The following FAM227B variants were observed in gnomAD, a reference collection of about 807,000 sequenced individuals.
FAM227B encodes protein FAM227B.
A neutral mutation model predicts 73.8 loss-of-function variants in FAM227B; 88 were observed. That is an observed-to-expected ratio of 1.19 (90% CI 1.00 to 1.42). The LOEUF (loss-of-function observed/expected upper bound fraction) is 1.42. Among genes scored for constraint, FAM227B ranks in the 40% most tolerant of loss-of-function variants. FAM227B has a pLI of 0.00. For synonymous variants in FAM227B, 210 were observed against 190.5 expected (o/e 1.10, Z -0.84); for missense variants, 632 against 590.9 (o/e 1.07, Z -0.72).
chr15:49,565,749 G>A (rs1428220337), intron 9 of FAM227B, among the ~76,000 whole-genome samples: 1 of 152,030 alleles, frequency 6.6e-6, no homozygotes, highest in East Asian at 1.9e-4. Flanking sequence ...CTTCGGTGGG[G>A]GTTAAGATTA....
intron 11 of FAM227B, among the ~76,000 whole-genome samples, chr15:49,477,115 C>T (rs372135621): frequency 1.5e-4 from 22 of 151,658 alleles, no homozygotes; most frequent in African/African-American, 3.2e-4. Context: ...ATCTCCATTT[C>T]CCCCCACAGT....
chr15:49,489,838 ATTTTATATATATATATATATTT>A (rs2056821964), intron 11 of FAM227B, among the ~76,000 whole-genome samples: 1 of 30,572 alleles, frequency 3.3e-5, no homozygotes. Context: ...ATATATATAT[ATTTTATATATATATATATATTT>A]TATATATATA....
chr15:49,471,153 T>C (rs2054705175), intron 11 of FAM227B, among the ~76,000 whole-genome samples: 1 of 152,084 alleles, frequency 6.6e-6, no homozygotes, highest in African/African-American at 2.4e-5. Context: ...GAAGAAAAAT[T>C]CTAAAGAGGC....
At chr15:49,478,813 G>A (rs1484386633) in intron 11 of FAM227B, among the ~76,000 whole-genome samples, 1 of 152,200 alleles carries the variant, frequency 6.6e-6, no homozygotes, top group Middle Eastern at 3.4e-3. Flanking sequence ...ATTCTGTGTA[G>A]TGAGACACTA....
At chr15:49,456,119 T>A (rs893652840) in intron 11 of FAM227B, among the ~76,000 whole-genome samples, 1 of 152,200 alleles carries the variant, frequency 6.6e-6, no homozygotes, top group African/African-American at 2.4e-5. Context: ...AGACTCTGTA[T>A]TATAATTTTG....
At chr15:49,483,295 A>G (rs748847406) in intron 11 of FAM227B, 2 of 1,016,798 alleles carry the variant, frequency 2.0e-6, no homozygotes, top group Admixed American at 1.8e-5. Flanking sequence ...TTTAAAACTC[A>G]TTTTTGTCAA....
intron 5 of FAM227B, among the ~76,000 whole-genome samples, chr15:49,582,423 A>G (rs1465138347): frequency 6.6e-6 from 1 of 152,234 alleles, no homozygotes; most frequent in Non-Finnish European, 1.5e-5. Flanking sequence ...CAACAAGAAG[A>G]CCTAACTATC....
chr15:49,588,475 A>G (rs903956867), intron 4 of FAM227B, among the ~76,000 whole-genome samples: 1 of 146,276 alleles, frequency 6.8e-6, no homozygotes, highest in South Asian at 2.2e-4. Context: ...ACAGTGAGAC[A>G]ATATGGGGGG....
At chr15:49,387,706 G>T (rs898761313) in intron 11 of FAM227B, among the ~76,000 whole-genome samples, 3 of 151,790 alleles carry the variant, frequency 2.0e-5, no homozygotes, top group Non-Finnish European at 4.4e-5. Context: ...GTTTGCAGAT[G>T]ATATGACTGT....
chr15:49,507,091 C>T (rs1567433756), intron 11 of FAM227B, among the ~76,000 whole-genome samples: 1 of 151,524 alleles, frequency 6.6e-6, no homozygotes, highest in Non-Finnish European at 1.5e-5. Flanking sequence ...AGCCCCCCAC[C>T]CCCCATAACA....
intron 2 of FAM227B, among the ~76,000 whole-genome samples, chr15:49,611,695 G>C (rs1464961558): frequency 6.6e-6 from 1 of 152,074 alleles, no homozygotes; most frequent in East Asian, 1.9e-4. Context: ...TAAATGTTTG[G>C]ATATTTCAGT....
intron 3 of FAM227B, among the ~76,000 whole-genome samples, chr15:49,604,985 A>C (rs942909540): frequency 6.6e-6 from 1 of 151,836 alleles, no homozygotes; most frequent in African/African-American, 2.4e-5. Context: ...TTGTTTACTA[A>C]GCTTCTTGAA....
At chr15:49,342,016 G>C (rs1399250461) in intron 13 of FAM227B, among the ~76,000 whole-genome samples, 2 of 152,086 alleles carry the variant, frequency 1.3e-5, no homozygotes, top group African/African-American at 4.8e-5. Context: ...GTGGTTGATG[G>C]GTGAAGTATT....
intron 9 of FAM227B, among the ~76,000 whole-genome samples, chr15:49,548,504 G>C (rs1052142534): frequency 1.3e-5 from 2 of 152,082 alleles, no homozygotes; most frequent in Non-Finnish European, 2.9e-5. Context: ...ATGTGCCTTT[G>C]TCTAGTTTTG....
At chr15:49,495,857 T>C (rs564868186) in intron 11 of FAM227B, among the ~76,000 whole-genome samples, 14 of 152,048 alleles carry the variant, frequency 9.2e-5, no homozygotes, top group African/African-American at 3.1e-4. Flanking sequence ...TCCCTGTCTC[T>C]ACTAAAAATA....
rs547746248 is a variant in FAM227B at position 49,614,051 on chromosome 15, T to C, written c.51+1070A>G. On this transcript the variant is annotated intron_variant, in intron 2 of 15. Transcript: ENST00000299338. ...AAACTTAATGAAAACAATTTAAGCA[T>C]TGACTTTTTTTTCTTGTAATGGCTG... is the stretch of plus-strand genomic sequence containing the variant. Among the ~76,000 whole-genome samples, 141 of 152,350 alleles carry C rather than the reference T, an allele frequency of 9.3e-4. 5 individuals carry two copies. In the South Asian group the frequency reaches 0.027, roughly 29 times the overall value.
In FAM227B at chr15:49,577,672, A is replaced by G; in HGVS notation, c.406-8T>C. 1 of 1,538,226 alleles carries G rather than the reference A, an allele frequency of 6.5e-7. No homozygotes were observed. The highest frequency in any genetic ancestry group is 1.9e-5 in the Admixed American group (1 of 51,608). ...CTCCATTTCATCTGAAAGCTGGAAA[A>G]CATTTTAAATAAACTCTTTAAAACT... On this transcript the variant is annotated splice_polypyrimidine_tract_variant and splice_region_variant and intron_variant, in intron 5 of 15. Transcript: ENST00000299338.
intron 11 of FAM227B, among the ~76,000 whole-genome samples, chr15:49,500,696 C>T (rs532500631): frequency 4.1e-4 from 63 of 152,206 alleles, no homozygotes; most frequent in African/African-American, 1.5e-3. Flanking sequence ...GTTATACATA[C>T]GTGATATAGT....
chr15:49,539,800 A>T (rs2070799355), intron 10 of FAM227B, among the ~76,000 whole-genome samples: 1 of 152,138 alleles, frequency 6.6e-6, no homozygotes, highest in African/African-American at 2.4e-5. Flanking sequence ...GTGTTTATGG[A>T]GTGGCTGTAG....
Sources: allele counts gnomAD v4.1 joint callset (sites outside exome capture counted in the v4.1 genomes callset), GRCh38; gene constraint gnomAD v4.1.1; transcripts MANE v1.5; gene names NCBI Gene and HGNC (gene_info 2026-07-23, HGNC 2026-07-21).